The following KANSL1 variants were observed in gnomAD, a reference collection of about 807,000 sequenced individuals.
KANSL1 encodes the protein KAT8 regulatory NSL complex subunit 1.
In KANSL1, 22 loss-of-function variants were observed where a neutral mutation model predicts 103.6. That is an observed-to-expected ratio of 0.21 (90% confidence interval 0.15 to 0.30). The LOEUF is 0.30. Among genes scored for constraint, KANSL1 ranks in the 10% least tolerant of loss-of-function variants. The probability of loss-of-function intolerance (pLI) is 1.00; values close to 1 mark genes in which losing one functional copy is unlikely to be tolerated. For synonymous variants in KANSL1, 600 were observed against 527.6 expected (o/e 1.14, Z -1.88); for missense variants, 1,337 against 1,399.8 (o/e 0.96, Z 0.72).
At chr17:46,181,571 C>T (rs1300349323) in intron 1 of KANSL1, among the ~76,000 whole-genome samples, 2 of 152,120 alleles carry the variant, frequency 1.3e-5, no homozygotes, top group African/African-American at 4.8e-5. Flanking sequence ...CTGGGATTAC[C>T]GGTGCCTGCC....
At chr17:46,179,709 A>AGAGGAAATGGCAT (rs1317506663) in intron 1 of KANSL1, among the ~76,000 whole-genome samples, 1 of 152,226 alleles carries the variant, frequency 6.6e-6, no homozygotes, top group Non-Finnish European at 1.5e-5. Flanking sequence ...CATTCTAGTG[A>AGAGGAAATGGCAT]GAGGAAATGG....
chr17:46,176,465 C>T (rs1475900837), intron 1 of KANSL1, among the ~76,000 whole-genome samples: 2 of 152,116 alleles, frequency 1.3e-5, no homozygotes, highest in Admixed American at 6.5e-5. Context: ...CCGAGGCAGG[C>T]GTATCACCTG....
intron 6 of KANSL1, among the ~76,000 whole-genome samples, chr17:46,059,666 A>AGAGAGAGAG (rs1555742615): frequency 1.4e-5 from 2 of 144,726 alleles, no homozygotes; most frequent in Non-Finnish European, 3.0e-5. Flanking sequence ...AGAGAGAGAG[A>AGAGAGAGAG]AAAGGAAACT....
At chr17:46,188,952 G>A (rs1809172292) in intron 1 of KANSL1, among the ~76,000 whole-genome samples, 1 of 137,948 alleles carries the variant, frequency 7.2e-6, no homozygotes, top group Non-Finnish European at 1.5e-5. Context: ...AGAATCGCTA[G>A]AACCCTAGGG....
At chr17:46,136,166 G>A (rs917184105) in intron 2 of KANSL1, among the ~76,000 whole-genome samples, 5 of 152,078 alleles carry the variant, frequency 3.3e-5, no homozygotes, top group South Asian at 4.2e-4. Context: ...ATCAAACAGG[G>A]TCATGTATTT....
At chr17:46,179,681 A>G (rs2046689715) in intron 1 of KANSL1, among the ~76,000 whole-genome samples, 1 of 152,254 alleles carries the variant, frequency 6.6e-6, no homozygotes, top group Non-Finnish European at 1.5e-5. Context: ...AGGCTAGGAC[A>G]AGAGAATGGT....
At position 46,032,258 on chromosome 17, in the gene KANSL1, C is replaced by T. The variant is rs1469531054; in HGVS notation, c.2879G>A (p.Gly960Asp). Reference protein sequence around the residue: ...SSDGRTTPQLGSANPSTPQPA... With the variant: ...SSDGRTTPQLDSANPSTPQPA... The stretch of plus-strand genomic sequence containing the variant: ...CTGGGGGGTGGAGGGGTTGGCACTG[C>T]CCAGCTGGGGGGTTGTCCGGCCGTC... Residue 960 changes from glycine (G) to aspartate (D), a missense_variant, in exon 14 of 15, where the codon GGC becomes GAC. Around this residue, in one of 2 missense-constraint regions of KANSL1, gnomAD observed 780 missense variants for 923.4 expected, o/e 0.84. Transcript: ENST00000432791. 1 of 1,545,372 alleles carries T rather than the reference C, an allele frequency of 6.5e-7. No individual in the cohort carries two copies.
upstream of KANSL1, among the ~76,000 whole-genome samples, chr17:46,194,250 G>A (rs1051786064): frequency 6.6e-5 from 10 of 152,290 alleles, no homozygotes; most frequent in Non-Finnish European, 5.9e-5. Context: ...CGCCAAAACA[G>A]GCAAATGGCA....
At chr17:46,080,749 C>A (rs1186792822) in intron 4 of KANSL1, among the ~76,000 whole-genome samples, 1 of 130,758 alleles carries the variant, frequency 7.6e-6, no homozygotes, top group Non-Finnish European at 1.6e-5. Flanking sequence ...ACTTTCTGAA[C>A]GCTTTTCAGA....
chr17:46,142,667 T>C (rs2044485636), intron 2 of KANSL1, among the ~76,000 whole-genome samples: 1 of 152,248 alleles, frequency 6.6e-6, no homozygotes, highest in Non-Finnish European at 1.5e-5. Context: ...ACTTCACTAA[T>C]ACTTTCCCAA....
rs1439055204 is a variant in KANSL1 at position 46,067,646 on chromosome 17, A to G, written c.1555T>C (p.Leu519=). ...DKLIESVSQP[L]ENHGAPIIGH... ...ATAATAGGGGCACCATGGTTTTCCA[A>G]TGGCTGAGAAACAGACTCAATCTGA... The change falls in exon 5 of 15, where the codon TTG becomes CTG. Residue 519 remains leucine, a synonymous_variant. Coordinates refer to ENST00000432791, the MANE Select transcript of KANSL1 (RefSeq NM_015443.4). The G allele has an allele frequency of 2.5e-6, 4 of 1,585,806 alleles. No individual in the cohort carries two copies. The highest frequency in any genetic ancestry group is 1.7e-6 in the Non-Finnish European group (2 of 1,154,204).
chr17:46,073,888 G>T (rs1401076238), intron 4 of KANSL1, among the ~76,000 whole-genome samples: 1 of 152,058 alleles, frequency 6.6e-6, no homozygotes, highest in African/African-American at 2.4e-5. Flanking sequence ...ACGGGTACTA[G>T]GATTAAACGA....
chr17:46,041,561 C>G (rs1421752067), intron 7 of KANSL1: 1 of 152,152 alleles, frequency 6.6e-6, no homozygotes, highest in Admixed American at 6.5e-5. Context: ...GAATGAAACA[C>G]CACTACTTCA....
rs1342897791 is a variant in KANSL1, at chr17:46,066,772, AGAAAC to A, written c.1653-45_1653-41del. On this transcript the variant is annotated intron_variant, in intron 5 of 14. Coordinates refer to ENST00000432791, the MANE Select transcript of KANSL1 (RefSeq NM_015443.4). Reference sequence around the variant, plus strand: ...GGAAGAGTATTCTCAGAACACACAAAGAAACAAAATAAATAAACAACAAGAAAACA... The same window carrying A: ...GGAAGAGTATTCTCAGAACACACAAAAAAATAAATAAACAACAAGAAAACA... The A allele has an allele frequency of 4.2e-6, 6 of 1,438,006 alleles. No individual in the cohort carries two copies. The Admixed American group carries it at 9.9e-5, about 24-fold the overall frequency. The allele number at this position is 1,438,006 out of a possible 1,614,324, so 89.1% of individuals were successfully genotyped here. A position where few individuals can be genotyped will look rare whatever the true frequency, so the allele number is the denominator to read the frequency against.
At chr17:46,118,417 T>C (rs1443728232) in intron 2 of KANSL1, among the ~76,000 whole-genome samples, 1 of 152,240 alleles carries the variant, frequency 6.6e-6, no homozygotes, top group Non-Finnish European at 1.5e-5. Context: ...GAAAGCTTGG[T>C]TCATTTACAT....
intron 2 of KANSL1, among the ~76,000 whole-genome samples, chr17:46,125,085 A>AGAGAGG (rs2043484786): frequency 5.9e-5 from 2 of 33,936 alleles, no homozygotes; most frequent in Non-Finnish European, 9.8e-5. Flanking sequence ...AGGGAGGGAG[A>AGAGAGG]GAGGGAGGGA....
intron 2 of KANSL1, among the ~76,000 whole-genome samples, chr17:46,113,425 G>T (rs2147123705): frequency 6.6e-6 from 1 of 152,270 alleles, no homozygotes; most frequent in South Asian, 2.1e-4. Flanking sequence ...TAATGGAAAA[G>T]AATACAACAG....
chr17:46,101,630 T>C (rs1248883223), intron 2 of KANSL1, among the ~76,000 whole-genome samples: 1 of 151,668 alleles, frequency 6.6e-6, no homozygotes, highest in African/African-American at 2.4e-5. Flanking sequence ...AGCACGCGCC[T>C]GTAATCCCAG....
chr17:46,031,813 G>C (rs1161714501), intron 14 of KANSL1, 110 bp from the exon 15 acceptor site: 6 of 1,121,538 alleles, frequency 5.3e-6, no homozygotes, highest in East Asian at 2.6e-5. Flanking sequence ...AGTCTATCTA[G>C]TGTTCCTGCG....
Sources: allele counts gnomAD v4.1 joint callset (sites outside exome capture counted in the v4.1 genomes callset), GRCh38; gene constraint gnomAD v4.1.1; regional missense constraint gnomAD v4.1.1; transcripts MANE v1.5; gene names NCBI Gene and HGNC (gene_info 2026-07-23, HGNC 2026-07-21).